The following SYTL5 variants were observed in gnomAD, a reference collection of about 807,000 sequenced individuals.
The protein encoded by SYTL5 is synaptotagmin like 5.
In SYTL5, 34 loss-of-function variants were observed where a neutral mutation model predicts 55.9. The observed-to-expected ratio is 0.61, with a 90% CI of 0.46 to 0.81. SYTL5 has a LOEUF of 0.81. Among genes scored for constraint, SYTL5 ranks in the 30% least tolerant of loss-of-function variants. The pLI, the probability that SYTL5 is intolerant of heterozygous loss-of-function variation, is 0.00. For missense variants in SYTL5, 637 were observed against 546.7 expected (o/e 1.17, Z -1.65); for synonymous variants, 221 against 188.7 (o/e 1.17, Z -1.40).
intron 1 of SYTL5, among the ~76,000 whole-genome samples, chrX:38,010,957 A>G (rs1934158206): frequency 8.9e-6 from 1 of 111,887 alleles, no homozygotes; most frequent in Non-Finnish European, 1.9e-5. Flanking sequence ...CCATTTACAT[A>G]AGAATAAACT....
the SYTL5 span, among the ~76,000 whole-genome samples, chrX:37,972,243 A>G: frequency 9.0e-6 from 1 of 111,390 alleles, no homozygotes. Context: ...TCAGTTCCTC[A>G]CACAAATGCA....
At chrX:38,087,516 T>C (rs911448394) in intron 6 of SYTL5, among the ~76,000 whole-genome samples, 2 of 112,340 alleles carry the variant, frequency 1.8e-5, no homozygotes, top group South Asian at 7.4e-4. Context: ...TCTTCTCAGC[T>C]GAGTTCATAG....
chrX:38,038,768 AT>A (rs1031364279), intron 2 of SYTL5, among the ~76,000 whole-genome samples: 2 of 112,033 alleles, frequency 1.8e-5, no homozygotes, highest in Non-Finnish European at 3.8e-5. Context: ...GGAAACCAAA[AT>A]TTTTTTTAGA....
chrX:38,126,535 G>A, intron 16 of SYTL5, 53 bp from the exon 17 acceptor site: 1 of 1,187,697 alleles, frequency 8.4e-7, no homozygotes, highest in Non-Finnish European at 1.1e-6. Context: ...TACCTTGCAG[G>A]AGAGCAAAGC....
chrX:38,042,649 G>A (rs779724416), intron 2 of SYTL5, among the ~76,000 whole-genome samples: 1 of 110,827 alleles, frequency 9.0e-6, no homozygotes, highest in Admixed American at 9.7e-5. Context: ...GGGTTAGTTG[G>A]CACTCACATC....
the SYTL5 span, among the ~76,000 whole-genome samples, chrX:37,970,880 T>C: frequency 2.7e-5 from 3 of 112,330 alleles, no homozygotes; most frequent in Non-Finnish European, 5.6e-5. Flanking sequence ...ATAACCCTTA[T>C]GGCAAATCTT....
At chrX:38,120,298 G>A in intron 13 of SYTL5, 60 bp from the exon 14 acceptor site, 1 of 808,781 alleles carries the variant, frequency 1.2e-6, no homozygotes, top group Non-Finnish European at 1.9e-6. Flanking sequence ...TTCAAATGTG[G>A]ACTACAATAC....
the SYTL5 span, among the ~76,000 whole-genome samples, chrX:37,994,182 A>G: frequency 8.9e-6 from 1 of 112,138 alleles, no homozygotes; most frequent in Admixed American, 9.4e-5. Context: ...GTGGACACCA[A>G]TGACATCAAA....
chrX:38,126,688 T>G lies in SYTL5; in HGVS notation c.2151T>G (p.Gly717=). The stretch of plus-strand genomic sequence containing the variant: ...ACAACCCTGGAACTCCCTTTGAGGG[T>G]GTACTCATGCTTCGTTCCAGCATGG... ...MANNPGTPFE[G]VLMLRSSMGK... Residue 717 remains glycine, a synonymous_variant, in exon 17 of 17, where the codon GGT becomes GGG. Transcript: ENST00000297875. The G allele has an allele frequency of 8.3e-7, 1 of 1,209,717 alleles. No individual in the cohort carries two copies. Among genetic ancestry groups the G allele is most frequent in the African/African-American group, 1.7e-5 (1 of 57,593 alleles).
chrX:37,943,776 T>A, the SYTL5 span, among the ~76,000 whole-genome samples: 15 of 111,253 alleles, frequency 1.3e-4, no homozygotes, highest in Non-Finnish European at 2.4e-4. Flanking sequence ...GTGTGGTCTT[T>A]AACAAGCCAC....
the SYTL5 span, among the ~76,000 whole-genome samples, chrX:37,937,820 CA>C: frequency 8.9e-6 from 1 of 112,280 alleles, no homozygotes; most frequent in African/African-American, 3.2e-5. Context: ...ATAAAGCAAA[CA>C]TGAAGATGTC....
chrX:38,028,369 A>G (rs756264980), intron 1 of SYTL5, among the ~76,000 whole-genome samples: 114 of 112,462 alleles, frequency 1.0e-3, no homozygotes, highest in African/African-American at 3.4e-3. Context: ...CTGTTGCAAA[A>G]GAAAACAGAT....
chrX:38,040,873 A>G (rs1935265437), intron 2 of SYTL5, among the ~76,000 whole-genome samples: 2 of 111,499 alleles, frequency 1.8e-5, no homozygotes, highest in Admixed American at 9.6e-5. Flanking sequence ...ATCAATTTGT[A>G]GTTTCTTGAG....
chrX:38,123,550 A>G (rs1937595092), intron 15 of SYTL5, among the ~76,000 whole-genome samples: 1 of 111,750 alleles, frequency 8.9e-6, no homozygotes, highest in Admixed American at 9.5e-5. Flanking sequence ...CAGTAGATTT[A>G]AGCATAGAAG....
At position 38,019,657 on chromosome X, in the gene SYTL5, T is replaced by A. The variant is rs992410253; in HGVS notation, c.-357+12989T>A. ...GTTTGTTTGTTTGTTTGAGACAAAG[T>A]CTCACTCTGTCGCCCAGGCTGGAGT... is the stretch of plus-strand genomic sequence containing the variant. On this transcript the variant is annotated intron_variant, in intron 1 of 16. Transcript: ENST00000297875. 3.6e-5 allele frequency among the ~76,000 whole-genome samples: 4 copies of A among 111,458 alleles called. No individual in the cohort carries two copies. In the East Asian group the frequency reaches 1.1e-3, roughly 31 times the overall value.
chrX:37,889,132 C>A, the SYTL5 span, among the ~76,000 whole-genome samples: 2 of 111,828 alleles, frequency 1.8e-5, no homozygotes, highest in Non-Finnish European at 1.9e-5. Context: ...GCAGAAGATA[C>A]TGAATTAACC....
chrX:37,977,716 AC>A, the SYTL5 span, among the ~76,000 whole-genome samples: 1 of 107,026 alleles, frequency 9.3e-6, no homozygotes, highest in Non-Finnish European at 1.9e-5. Flanking sequence ...ACACACACAC[AC>A]ACACACACAC....
the SYTL5 span, among the ~76,000 whole-genome samples, chrX:37,980,058 T>TG: frequency 9.0e-6 from 1 of 111,404 alleles, no homozygotes; most frequent in Non-Finnish European, 1.9e-5. Context: ...ACATGCGGTG[T>TG]TTGGTTTTTT....
chrX:38,070,699 A>G (rs1006726093), intron 3 of SYTL5, among the ~76,000 whole-genome samples: 34 of 111,683 alleles, frequency 3.0e-4, no homozygotes, highest in African/African-American at 1.0e-3. Context: ...CCGTAGTTAC[A>G]TAGTCCTATT....
Sources: allele counts gnomAD v4.1 joint callset (sites outside exome capture counted in the v4.1 genomes callset), GRCh38; gene constraint gnomAD v4.1.1; transcripts MANE v1.5; gene names NCBI Gene and HGNC (gene_info 2026-07-23, HGNC 2026-07-21).